ADGRL4: variants seen among roughly 807,000 people sequenced by gnomAD.
The protein encoded by ADGRL4 is adhesion G protein-coupled receptor L4.
Under a neutral mutation model 74.8 loss-of-function variants are expected in ADGRL4, and 90 were observed. The ratio of observed to expected loss-of-function variants is 1.20; its 90% CI spans 1.02 to 1.43. The LOEUF (loss-of-function observed/expected upper bound fraction) is 1.43. Ranked by LOEUF, ADGRL4 falls within the 40% of genes most tolerant of loss-of-function variation. ADGRL4 has a pLI of 0.00. For synonymous variants in ADGRL4, 311 were observed against 279.2 expected (o/e 1.11, Z -1.14); for missense variants, 881 against 814.3 (o/e 1.08, Z -1.00).
At position 78,946,309 on chromosome 1, in the gene ADGRL4, T is replaced by C. The variant is rs768679315; in HGVS notation, c.290A>G (p.Asp97Gly). ...VPGFRSSSNQDRFITNDGTVC... is the reference protein window; with the variant it reads ...VPGFRSSSNQGRFITNDGTVC... ...GGTTCCATCATTAGTGATAAACCTG[T>C]CTTGGTTACTGCTGGATCTGAAGCC... The change falls in exon 3 of 15, where the codon GAC becomes GGC. Residue 97 changes from aspartate (D) to glycine (G), a missense_variant. By Grantham distance (94) the Asp-to-Gly change is moderately conservative. Transcript: ENST00000370742. The C allele has an allele frequency of 2.5e-6, 4 of 1,613,204 alleles. No individual in the cohort carries two copies. The East Asian group carries it at 6.7e-5, about 27-fold the overall frequency.
intron 12 of ADGRL4, among the ~76,000 whole-genome samples, chr1:78,902,483 G>C (rs934233147): frequency 1.3e-5 from 2 of 151,740 alleles, no homozygotes; most frequent in Non-Finnish European, 2.9e-5. Flanking sequence ...CAAATAACTT[G>C]CCCAAGGTAA....
At chr1:78,977,705 G>A (rs1294609824) in intron 2 of ADGRL4, among the ~76,000 whole-genome samples, 1 of 151,868 alleles carries the variant, frequency 6.6e-6, no homozygotes, top group Non-Finnish European at 1.5e-5. Context: ...GTATGTGTGT[G>A]TTCTGGTGAG....
At chr1:78,947,814 T>C (rs145294173) in intron 2 of ADGRL4, among the ~76,000 whole-genome samples, 1,979 of 152,226 alleles carry the variant, frequency 0.013, 42 homozygotes, top group African/African-American at 0.046. Flanking sequence ...TAAAAACAAG[T>C]CAGGTTTGAA....
chr1:78,949,242 T>C (rs966415298), intron 2 of ADGRL4, among the ~76,000 whole-genome samples: 4 of 152,116 alleles, frequency 2.6e-5, no homozygotes, highest in Non-Finnish European at 4.4e-5. Flanking sequence ...TTTGTAAAAA[T>C]AGATTAACTT....
chr1:78,960,435 T>C (rs1251519615), intron 2 of ADGRL4, among the ~76,000 whole-genome samples: 1 of 152,166 alleles, frequency 6.6e-6, no homozygotes, highest in Non-Finnish European at 1.5e-5. Context: ...TTCGTGGATC[T>C]TGAAACAATA....
At chr1:78,956,011 T>A (rs181147035) in intron 2 of ADGRL4, among the ~76,000 whole-genome samples, 59 of 152,310 alleles carry the variant, frequency 3.9e-4, no homozygotes, top group African/African-American at 1.4e-3. Flanking sequence ...TATTCTAATA[T>A]GACTTTGAAT....
chr1:78,962,176 C>T lies in ADGRL4; in HGVS notation c.173-15750G>A, dbSNP rs142954330. ...GATTACAGGCATGAGCCACCGGGCC[C>T]GGCCTTCCAGGCTATAATTAAATCA... On this transcript the variant is annotated intron_variant, in intron 2 of 14. Coordinates refer to ENST00000370742, the MANE Select transcript of ADGRL4 (RefSeq NM_022159.4). Among the ~76,000 whole-genome samples, 588 of 152,208 alleles carry T rather than the reference C, an allele frequency of 3.9e-3. 4 individuals are homozygous for T. The highest frequency in any genetic ancestry group is 0.013 in the African/African-American group (545 of 41,550).
chr1:78,983,951 A>G (rs1650445495), intron 2 of ADGRL4, among the ~76,000 whole-genome samples: 1 of 151,858 alleles, frequency 6.6e-6, no homozygotes. Context: ...AGATAAACAA[A>G]CACAAAATTT....
intron 2 of ADGRL4, among the ~76,000 whole-genome samples, chr1:79,000,640 C>T (rs1485189211): frequency 6.6e-6 from 1 of 151,672 alleles, no homozygotes; most frequent in African/African-American, 2.4e-5. Context: ...ACTGCAGAAC[C>T]TTTCTTGTGA....
chr1:78,937,962 A>G lies in ADGRL4; in HGVS notation c.605T>C (p.Val202Ala). 4.3e-6 allele frequency: 7 copies of G among 1,611,444 alleles called. No individual in the cohort carries two copies. Among genetic ancestry groups the G allele is most frequent in the Non-Finnish European group, 5.1e-6 (6 of 1,179,334 alleles). The part of the protein sequence containing the change: ...TEFVKTVNNF[V>A]QRDTFVVWDK... ...CCAAACTACAAATGTATCCCTTTGAACAAAATTATTCACGGTTTTTACAAA... is the reference window on the plus strand; with the variant it reads ...CCAAACTACAAATGTATCCCTTTGAGCAAAATTATTCACGGTTTTTACAAA... Residue 202 changes from valine to alanine, a missense_variant, in exon 6 of 15, where the codon GTT becomes GCT. By Grantham distance (64) the Val-to-Ala change is moderately conservative. Transcript: ENST00000370742.
intron 12 of ADGRL4, among the ~76,000 whole-genome samples, chr1:78,915,050 T>C (rs1648842879): frequency 6.6e-6 from 1 of 151,914 alleles, no homozygotes. Flanking sequence ...ACCCATTCTC[T>C]TCATTGTACA....
chr1:78,999,360 G>T (rs977761560), intron 2 of ADGRL4, among the ~76,000 whole-genome samples: 4 of 152,140 alleles, frequency 2.6e-5, no homozygotes, highest in African/African-American at 9.7e-5. Context: ...GAATTTTCAT[G>T]GAAAAGCAGC....
chr1:78,929,701 A>G (rs939874999), intron 7 of ADGRL4, among the ~76,000 whole-genome samples: 1 of 151,518 alleles, frequency 6.6e-6, no homozygotes, highest in African/African-American at 2.5e-5. Context: ...TTTTTAAGAT[A>G]CAACCTTGAG....
chr1:78,935,539 AAAAC>A (rs1337354064), intron 7 of ADGRL4, among the ~76,000 whole-genome samples: 2 of 149,198 alleles, frequency 1.3e-5, no homozygotes, highest in Non-Finnish European at 1.5e-5. Context: ...TAAAAAAAAA[AAAAC>A]AAACCTACTT....
intron 7 of ADGRL4, among the ~76,000 whole-genome samples, chr1:78,928,012 T>A (rs1649155367): frequency 1.4e-5 from 2 of 147,568 alleles, no homozygotes; most frequent in African/African-American, 2.7e-5. Flanking sequence ...CAAAAGATGA[T>A]AACTATCCCA....
chr1:78,895,642 G>GA (rs1236911447), intron 12 of ADGRL4, among the ~76,000 whole-genome samples: 2 of 152,038 alleles, frequency 1.3e-5, no homozygotes, highest in Non-Finnish European at 2.9e-5. Context: ...AACAGCATAG[G>GA]AAAATCTTCA....
intron 2 of ADGRL4, among the ~76,000 whole-genome samples, chr1:78,980,884 G>A (rs574328244): frequency 1.3e-5 from 2 of 151,972 alleles, no homozygotes; most frequent in East Asian, 3.9e-4. Flanking sequence ...AAATGTAACC[G>A]AAATTTCTAA....
At chr1:78,934,601 T>A (rs1014217699) in intron 7 of ADGRL4, among the ~76,000 whole-genome samples, 1 of 152,046 alleles carries the variant, frequency 6.6e-6, no homozygotes, top group Non-Finnish European at 1.5e-5. Context: ...GAAGTTATCA[T>A]CAAAGTGAAC....
At chr1:78,986,249 T>G (rs534804001) in intron 2 of ADGRL4, among the ~76,000 whole-genome samples, 11 of 151,544 alleles carry the variant, frequency 7.3e-5, no homozygotes, top group Admixed American at 2.0e-4. Context: ...TGAAAAAAAA[T>G]GTGATTCATA....
Sources: gnomAD v4.1 joint callset for allele counts (sites outside exome capture counted in the v4.1 genomes callset) on GRCh38, gnomAD v4.1.1 for gene constraint, MANE v1.5 for transcripts, NCBI Gene and HGNC (gene_info 2026-07-23, HGNC 2026-07-21) for gene names.